Variants in DNM2 observed in about 807,000 individuals in gnomAD.
DNM2 encodes dynamin 2.
A neutral mutation model predicts 99.0 loss-of-function variants in DNM2; 15 were observed. That is an observed-to-expected ratio of 0.15 (90% CI 0.10 to 0.23). The LOEUF is 0.23. Ranked by LOEUF, DNM2 falls within the 10% of genes least tolerant of loss-of-function variation. DNM2 has a pLI of 1.00. For synonymous variants in DNM2, 525 were observed against 481.2 expected (o/e 1.09, Z -1.19); for missense variants, 742 against 1,189.4 (o/e 0.62, Z 5.53).
chr19:10,802,598 C>G, intron 12 of DNM2: 1 of 596,982 alleles, frequency 1.7e-6, no homozygotes, highest in African/African-American at 1.8e-5. Flanking sequence ...AGGGAGAGGG[C>G]AGTGCTATGT....
At chr19:10,800,433 T>C (rs2072095302) in intron 11 of DNM2, among the ~76,000 whole-genome samples, 1 of 152,170 alleles carries the variant, frequency 6.6e-6, no homozygotes, top group African/African-American at 2.4e-5. Context: ...TCTGATTCTT[T>C]TTGTTGTTAC....
rs2069405311 is a variant in DNM2 at position 10,733,342 on chromosome 19, C to G, written c.161+14939C>G. ...AACTAGCTGGGACCACAGGCGCGCA[C>G]CACAATGGCCGGCATTTTTTTTTTA... On this transcript the variant is annotated intron_variant, in intron 1 of 20. Coordinates refer to ENST00000389253, the MANE Select transcript of DNM2 (RefSeq NM_001005361.3). Among the ~76,000 whole-genome samples, 3 of 151,538 alleles carry G rather than the reference C, an allele frequency of 2.0e-5. No homozygotes were observed. The Admixed American group carries it at 2.0e-4, about 10-fold the overall frequency.
At chr19:10,782,786 C>T (rs542391314) in intron 5 of DNM2, among the ~76,000 whole-genome samples, 174 bp from the exon 6 acceptor site, 4 of 152,252 alleles carry the variant, frequency 2.6e-5, no homozygotes, top group Non-Finnish European at 2.9e-5. Flanking sequence ...TGTTGCTCTT[C>T]GCAGCTGCCA....
At chr19:10,784,711 G>A (rs1027141959) in intron 6 of DNM2, among the ~76,000 whole-genome samples, 1 of 152,204 alleles carries the variant, frequency 6.6e-6, no homozygotes, top group African/African-American at 2.4e-5. Context: ...CCTTGGTCAC[G>A]GAGGTCTTTG....
rs2071182039 is a variant in DNM2, at chr19:10,777,146, G to A, written c.618G>A (p.Lys206=). The change falls in exon 5 of 21, where the codon AAG becomes AAA. Residue 206 remains lysine (K), a synonymous_variant. Coordinates refer to ENST00000389253, the MANE Select transcript of DNM2 (RefSeq NM_001005361.3). ...TACGGACCATCGGTGTCATCACCAA[G>A]CTTGACCTGATGGACGAGGGCACCG... ...QGLRTIGVIT[K]LDLMDEGTDA... is the part of the protein sequence containing the mutation. 2 of 1,614,078 alleles carry A rather than the reference G, an allele frequency of 1.2e-6. No individual in the cohort carries two copies. The highest frequency in any genetic ancestry group is 1.3e-5 in the African/African-American group (1 of 74,938).
intron 5 of DNM2, among the ~76,000 whole-genome samples, chr19:10,779,130 G>C (rs534059112): frequency 1.3e-5 from 2 of 151,058 alleles, no homozygotes; most frequent in Non-Finnish European, 2.9e-5. Context: ...CAGGAGAATC[G>C]CTTGAACCCA....
chr19:10,814,147 G>A (rs1447386445), intron 15 of DNM2, among the ~76,000 whole-genome samples: 9 of 150,030 alleles, frequency 6.0e-5, no homozygotes, highest in Admixed American at 6.0e-4. Flanking sequence ...CAGCCTGGGC[G>A]ACAGAGTGAG....
In DNM2 at chr19:10,816,058, CTG is replaced by C. The variant is rs2072728278; in HGVS notation, c.1671+3684_1671+3685del. 1.3e-5 allele frequency among the ~76,000 whole-genome samples: 2 copies of C among 152,242 alleles called. No individual in the cohort carries two copies. The highest frequency in any genetic ancestry group is 4.1e-4 in the South Asian group (2 of 4,830). ...CCTCACGCTTGCTATTCGGGTGGCT[CTG>C]TGGTCACCCCCATCTAAGGCTCTGA... On this transcript the variant is annotated intron_variant, in intron 15 of 20. Transcript: ENST00000389253. This position sits in a 1 kb window ranked among gnomAD's most constrained non-coding sequence, Gnocchi z 4.6.
chr19:10,757,383 C>A (rs1325370232), intron 1 of DNM2, among the ~76,000 whole-genome samples: 1 of 152,200 alleles, frequency 6.6e-6, no homozygotes, highest in Non-Finnish European at 1.5e-5. Context: ...CCGACGCCAG[C>A]CACTGGGTAA....
chr19:10,746,744 T>G (rs1225145462), intron 1 of DNM2, among the ~76,000 whole-genome samples: 2 of 147,076 alleles, frequency 1.4e-5, no homozygotes, highest in African/African-American at 5.1e-5. Flanking sequence ...GTTTTTTTTT[T>G]TTTTGAGACA....
At chr19:10,799,573 G>T (rs1209221614) in intron 11 of DNM2, among the ~76,000 whole-genome samples, 2 of 140,556 alleles carry the variant, frequency 1.4e-5, no homozygotes, top group African/African-American at 5.4e-5. Context: ...TTGCTCTGTC[G>T]CCCAGGCTGG....
At position 10,775,903 on chromosome 19, in the gene DNM2, C is replaced by G. The variant is rs750885534; in HGVS notation, c.586C>G (p.Gln196Glu). Residue 196 changes from glutamine (Q) to glutamate (E), a missense_variant, in exon 4 of 21, where the codon CAA becomes GAA. Physicochemically the swap from Gln to Glu is conservative, Grantham distance 29. This residue lies in a region of DNM2 where 192 missense variants were observed against 358.9 expected (regional missense o/e 0.54). Coordinates refer to ENST00000389253, the MANE Select transcript of DNM2 (RefSeq NM_001005361.3). The surrounding 1 kb of genome is among the most constrained non-coding windows in gnomAD (Gnocchi z 4.3). ...CAAGCTGGCCAAGGAAGTCGATCCC[C>G]AAGGTAACCCTGAGCCTAGGGCAGT... ...ALKLAKEVDP[Q>E]GLRTIGVITK... The G allele has an allele frequency of 1.2e-6, 2 of 1,611,272 alleles. No individual in the cohort carries two copies. Among genetic ancestry groups the G allele is most frequent in the Admixed American group, 3.3e-5 (2 of 60,026 alleles).
chr19:10,736,514 G>C (rs138973273), intron 1 of DNM2, among the ~76,000 whole-genome samples: 44 of 152,192 alleles, frequency 2.9e-4, no homozygotes, highest in African/African-American at 9.1e-4. Context: ...TAGTTCCTTT[G>C]CCTCCACATA....
At chr19:10,802,671 T>C (rs775718644) in intron 12 of DNM2, 1 of 448,840 alleles carries the variant, frequency 2.2e-6, no homozygotes, top group Non-Finnish European at 4.2e-6. Context: ...TCAGGACTTC[T>C]CAGAGCCTTT....
chr19:10,753,890 C>G (rs147796505), intron 1 of DNM2, among the ~76,000 whole-genome samples: 42 of 152,244 alleles, frequency 2.8e-4, no homozygotes, highest in Middle Eastern at 6.8e-3. Context: ...CTCCTGACCT[C>G]AAACGATCCA....
intron 1 of DNM2, among the ~76,000 whole-genome samples, chr19:10,748,248 C>T (rs1246320664): frequency 6.6e-6 from 1 of 152,156 alleles, no homozygotes; most frequent in African/African-American, 2.4e-5. Flanking sequence ...GGCACGACTG[C>T]ACTGGTGTAG....
chr19:10,726,150 C>T (rs899557163), intron 1 of DNM2, among the ~76,000 whole-genome samples: 15 of 149,874 alleles, frequency 1.0e-4, no homozygotes, highest in African/African-American at 2.5e-4. Flanking sequence ...ACCTGGGAGG[C>T]GGAGGTTGCA....
At position 10,795,227 on chromosome 19, in the gene DNM2, C is replaced by A; in HGVS notation, c.1129-145C>A. ...TGAGCCACTGTATCTGGCCAGTTTT[C>A]AATTTTTTAAATAAAATTTTGACGA... On this transcript the variant is annotated intron_variant, in intron 8 of 20. Transcript: ENST00000389253. This position sits in a 1 kb window ranked among gnomAD's most constrained non-coding sequence, Gnocchi z 4.2. 1 of 795,246 alleles carries A rather than the reference C, an allele frequency of 1.3e-6. No homozygotes were observed. The highest frequency in any genetic ancestry group is 2.1e-6 in the Non-Finnish European group (1 of 476,048). 49.3% of individuals were successfully genotyped at this position (795,246 alleles called of 1,614,324 possible). A position where few individuals can be genotyped will look rare whatever the true frequency, so the allele number is the denominator to read the frequency against.
chr19:10,746,201 TC>T (rs1440526260), intron 1 of DNM2, among the ~76,000 whole-genome samples: 1 of 152,144 alleles, frequency 6.6e-6, no homozygotes, highest in Non-Finnish European at 1.5e-5. Context: ...CCTCAGGTGA[TC>T]CACCCACCTC....
Sources: allele counts gnomAD v4.1 joint callset (sites outside exome capture counted in the v4.1 genomes callset), GRCh38; gene constraint gnomAD v4.1.1; regional missense constraint gnomAD v4.1.1; non-coding constraint Gnocchi (gnomAD v3.1); transcripts MANE v1.5; gene names NCBI Gene and HGNC (gene_info 2026-07-23, HGNC 2026-07-21).